RNLS: variants seen among roughly 807,000 people sequenced by gnomAD.
RNLS encodes the protein renalase, FAD dependent amine oxidase.
Under a neutral mutation model 39.8 loss-of-function variants are expected in RNLS, and 39 were observed. The ratio of observed to expected loss-of-function variants is 0.98; its 90% CI spans 0.76 to 1.28. The LOEUF (loss-of-function observed/expected upper bound fraction) is 1.28, where lower values mean the gene tolerates loss of function less well. Among genes scored for constraint, RNLS ranks in the 50% most tolerant of loss-of-function variants. RNLS has a pLI of 0.00. For missense variants in RNLS, 410 were observed against 413.3 expected (o/e 0.99, Z 0.07); for synonymous variants, 147 against 150.7 (o/e 0.98, Z 0.18).
chr10:88,512,403 T>C (rs1234372336), intron 4 of RNLS, among the ~76,000 whole-genome samples: 1 of 152,176 alleles, frequency 6.6e-6, no homozygotes. Flanking sequence ...TAATTTATAA[T>C]GAAAAGCACT....
At chr10:88,227,940 G>A in the RNLS span, among the ~76,000 whole-genome samples, 2 of 152,092 alleles carry the variant, frequency 1.3e-5, no homozygotes, top group Admixed American at 6.6e-5. Context: ...GACTAAGGAG[G>A]GTGGGCTTCC....
At chr10:88,172,839 G>GTTTTTT in the RNLS span, among the ~76,000 whole-genome samples, 17 of 31,504 alleles carry the variant, frequency 5.4e-4, no homozygotes, top group African/African-American at 1.2e-3. Context: ...TGCATTTTGA[G>GTTTTTT]TTGTTTTTTT....
the RNLS span, among the ~76,000 whole-genome samples, chr10:88,258,223 T>C: frequency 3.8e-4 from 58 of 152,328 alleles, no homozygotes; most frequent in African/African-American, 1.3e-3. Flanking sequence ...GGGTACTTTA[T>C]AAATATTGTG....
At chr10:88,441,065 CAT>C (rs1444424198) in intron 4 of RNLS, among the ~76,000 whole-genome samples, 3 of 152,150 alleles carry the variant, frequency 2.0e-5, no homozygotes, top group Non-Finnish European at 2.9e-5. Flanking sequence ...TTTAAAAACT[CAT>C]GTGTTATAAA....
chr10:88,461,652 C>T (rs1444643179), intron 4 of RNLS, among the ~76,000 whole-genome samples: 1 of 152,102 alleles, frequency 6.6e-6, no homozygotes, highest in Non-Finnish European at 1.5e-5. Flanking sequence ...CAATGTGTCT[C>T]ATACATTTTT....
chr10:88,341,384 T>C (rs1213167172), intron 5 of RNLS, among the ~76,000 whole-genome samples: 4 of 150,734 alleles, frequency 2.7e-5, no homozygotes, highest in African/African-American at 4.9e-5. Context: ...GGCTGTATCA[T>C]TCACCAGAAT....
chr10:88,455,496 TC>T (rs1039250643), intron 4 of RNLS, among the ~76,000 whole-genome samples: 2 of 152,132 alleles, frequency 1.3e-5, no homozygotes, highest in African/African-American at 4.8e-5. Flanking sequence ...AAGCTCCACC[TC>T]CCGGGTTCAC....
chr10:88,263,727 T>C, the RNLS span, among the ~76,000 whole-genome samples: 30 of 152,198 alleles, frequency 2.0e-4, no homozygotes, highest in Middle Eastern at 3.2e-3. Flanking sequence ...AGCTATTTGC[T>C]AACTAGGTTA....
chr10:88,234,913 G>T, the RNLS span, among the ~76,000 whole-genome samples: 9 of 152,126 alleles, frequency 5.9e-5, no homozygotes, highest in African/African-American at 1.9e-4. Context: ...ATTAGGGTGG[G>T]TATGGAGGGG....
chr10:88,309,325 A>C (rs2133017330), intron 6 of RNLS: 2 of 1,062,384 alleles, frequency 1.9e-6, no homozygotes, highest in South Asian at 1.4e-5. Context: ...AAAAGCAAGA[A>C]AAAATTAAAA....
the RNLS span, among the ~76,000 whole-genome samples, chr10:88,244,262 ACTCC>A: frequency 6.6e-6 from 1 of 151,718 alleles, no homozygotes; most frequent in Non-Finnish European, 1.5e-5. Context: ...GGCGCTGCCC[ACTCC>A]CTCCTCCTCC....
intron 4 of RNLS, among the ~76,000 whole-genome samples, chr10:88,473,701 G>A (rs180722250): frequency 2.0e-5 from 3 of 151,880 alleles, no homozygotes; most frequent in Non-Finnish European, 4.4e-5. Flanking sequence ...ATTTAAATTT[G>A]GGCAACCCTT....
At chr10:88,331,333 G>A (rs556271503) in intron 5 of RNLS, among the ~76,000 whole-genome samples, 41 of 152,278 alleles carry the variant, frequency 2.7e-4, no homozygotes, top group African/African-American at 9.6e-4. Context: ...CTCTGACAGG[G>A]AAATAGAGGA....
At chr10:88,178,006 G>A in the RNLS span, among the ~76,000 whole-genome samples, 5 of 152,324 alleles carry the variant, frequency 3.3e-5, no homozygotes, top group South Asian at 1.0e-3. Context: ...GCAGCAGCAA[G>A]CCATGGGTGG....
chr10:88,385,158 C>T (rs1223526195), intron 4 of RNLS, among the ~76,000 whole-genome samples: 2 of 152,118 alleles, frequency 1.3e-5, no homozygotes, highest in African/African-American at 4.8e-5. Context: ...CTACACTGAC[C>T]CAAGGCTTGC....
chr10:88,559,940 T>C (rs1435114579), intron 4 of RNLS, among the ~76,000 whole-genome samples: 3 of 152,122 alleles, frequency 2.0e-5, no homozygotes, highest in Admixed American at 6.6e-5. Context: ...TTTTTTTTCT[T>C]GTATTTTTTA....
intron 4 of RNLS, among the ~76,000 whole-genome samples, chr10:88,468,695 C>T (rs1453771040): frequency 6.6e-6 from 1 of 152,162 alleles, no homozygotes; most frequent in African/African-American, 2.4e-5. Context: ...TGCATCTCAT[C>T]TCTTTGCACA....
In RNLS at chr10:88,577,578, A is replaced by C. The variant is rs146312042; in HGVS notation, c.367+3989T>G. On this transcript the variant is annotated intron_variant, in intron 3 of 6. Coordinates refer to ENST00000331772, the MANE Select transcript of RNLS (RefSeq NM_001031709.3). ...AGTATTAGATAAATAGTCAGCACTT[A>C]ATAACTGATAGCTAGAATCACTTTT... Among the ~76,000 whole-genome samples, 35 of 152,298 alleles carry C rather than the reference A, an allele frequency of 2.3e-4. No individual in the cohort carries two copies. The East Asian group carries it at 6.5e-3, about 28-fold the overall frequency.
chr10:88,273,083 A>G (rs1262325017), downstream of RNLS, among the ~76,000 whole-genome samples: 3 of 152,206 alleles, frequency 2.0e-5, no homozygotes, highest in African/African-American at 7.2e-5. Context: ...GTGGTCACCC[A>G]GCCTCTGCTG....
Sources: gnomAD v4.1 joint callset for allele counts (sites outside exome capture counted in the v4.1 genomes callset) on GRCh38, gnomAD v4.1.1 for gene constraint, MANE v1.5 for transcripts, NCBI Gene and HGNC (gene_info 2026-07-23, HGNC 2026-07-21) for gene names.